The following DCBLD2 variants were observed in gnomAD, a reference collection of about 807,000 sequenced individuals.
DCBLD2 encodes discoidin, CUB and LCCL domain containing 2.
Under a neutral mutation model 86.8 loss-of-function variants are expected in DCBLD2, and 54 were observed. That is an observed-to-expected ratio of 0.62 (90% CI 0.50 to 0.78). The LOEUF (loss-of-function observed/expected upper bound fraction) is 0.78, where lower values mean the gene tolerates loss of function less well. DCBLD2 is among the 30% of genes least tolerant of loss of function. DCBLD2 has a pLI of 0.00. For synonymous variants in DCBLD2, 354 were observed against 341.3 expected, an observed-to-expected ratio of 1.04 and a Z score of -0.41; for missense variants, 908 against 954.2, an observed-to-expected ratio of 0.95 and a Z score of 0.64.
intron 2 of DCBLD2, among the ~76,000 whole-genome samples, chr3:98,881,210 C>T (rs1427656643): frequency 1.0e-4 from 15 of 149,994 alleles, no homozygotes; most frequent in Non-Finnish European, 4.4e-5. Flanking sequence ...GCCAAAATTG[C>T]GCCATTGCCC....
chr3:98,858,461 A>C (rs1942978813), intron 2 of DCBLD2, among the ~76,000 whole-genome samples: 7 of 152,260 alleles, frequency 4.6e-5, no homozygotes, highest in Admixed American at 4.6e-4. Context: ...GAGGCCTGCG[A>C]GGGCTGCCAG....
intron 2 of DCBLD2, among the ~76,000 whole-genome samples, chr3:98,879,627 T>G (rs1943427606): frequency 6.6e-6 from 1 of 152,162 alleles, no homozygotes; most frequent in African/African-American, 2.4e-5. Context: ...GACCTCGTGA[T>G]CCGCCCACCT....
chr3:98,857,829 C>T (rs1301616627), intron 2 of DCBLD2, among the ~76,000 whole-genome samples: 5 of 152,248 alleles, frequency 3.3e-5, no homozygotes, highest in South Asian at 2.1e-4. Context: ...TACAGAGTGC[C>T]GACTGGTGTA....
At chr3:98,804,891 G>T (rs1372473051) in intron 13 of DCBLD2, 1 of 152,278 alleles carries the variant, frequency 6.6e-6, no homozygotes, top group Non-Finnish European at 1.5e-5. Flanking sequence ...TTGTTTGATT[G>T]AACTGTGGTC....
chr3:98,828,608 T>C (rs75292660), intron 3 of DCBLD2, among the ~76,000 whole-genome samples: 2,578 of 152,208 alleles, frequency 0.017, 59 homozygotes, highest in African/African-American at 0.058. Context: ...ACTAGTAAAA[T>C]TGTAAAATGG....
chr3:98,891,981 T>C (rs1306236291), intron 1 of DCBLD2, among the ~76,000 whole-genome samples: 2 of 152,170 alleles, frequency 1.3e-5, no homozygotes, highest in Non-Finnish European at 2.9e-5. Flanking sequence ...AGGCAATGCA[T>C]TCTACTCACC....
At position 98,901,439 on chromosome 3, in the gene DCBLD2, C is replaced by CCCTCGCCTCACCCCGCGCCGGGACCCTT. The variant is rs1943850573; in HGVS notation, c.-141_-114dup. On this transcript the variant is annotated 5_prime_UTR_variant, in exon 1 of 16. Transcript: ENST00000326840. The stretch of plus-strand genomic sequence containing the variant: ...GCAGCGGCGGGAGAACAAGAGGCAG[C>CCCTCGCCTCACCCCGCGCCGGGACCCTT]CCTCGCCTCACCCCGCGCCGGGACC... The CCCTCGCCTCACCCCGCGCCGGGACCCTT allele has an allele frequency of 2.7e-6, 3 of 1,098,022 alleles. No individual in the cohort carries two copies. Among genetic ancestry groups the CCCTCGCCTCACCCCGCGCCGGGACCCTT allele is most frequent in the Non-Finnish European group, 3.5e-6 (3 of 865,314 alleles). 68.0% of individuals were successfully genotyped at this position (1,098,022 alleles called of 1,614,324 possible).
At chr3:98,863,122 C>T (rs9850182) in intron 2 of DCBLD2, among the ~76,000 whole-genome samples, 147,753 of 152,264 alleles carry the variant, frequency 0.97, 71,844 homozygotes, top group Non-Finnish European at 1. Flanking sequence ...CCATTCACAA[C>T]TGCTTCAAAG....
At chr3:98,866,933 A>G (rs1254292926) in intron 2 of DCBLD2, among the ~76,000 whole-genome samples, 1 of 152,234 alleles carries the variant, frequency 6.6e-6, no homozygotes, top group Admixed American at 6.5e-5. Flanking sequence ...ATGGCTAGCC[A>G]GTTTTCCCAG....
At position 98,798,791 on chromosome 3, in the gene DCBLD2, C is replaced by A. The variant is rs1006938256; in HGVS notation, c.*581G>T. On this transcript the variant is annotated 3_prime_UTR_variant, in exon 16 of 16. Coordinates refer to ENST00000326840, the MANE Select transcript of DCBLD2 (RefSeq NM_080927.4). ...GAGTGTCACAAAGTGAAAAAGCAAT[C>A]CCCCTGCTCATTACAAGTCAGAAAA... is the stretch of plus-strand genomic sequence containing the variant. 1 of 152,396 alleles carries A rather than the reference C, an allele frequency of 6.6e-6. No individual in the cohort carries two copies. Among genetic ancestry groups the A allele is most frequent in the South Asian group, 2.1e-4 (1 of 4,834 alleles). 9.4% of individuals were successfully genotyped at this position (152,396 alleles called of 1,614,324 possible). A position where few individuals can be genotyped will look rare whatever the true frequency, so the allele number is the denominator to read the frequency against.
At chr3:98,874,998 G>GGGTTC (rs1236843674) in intron 2 of DCBLD2, among the ~76,000 whole-genome samples, 1 of 152,100 alleles carries the variant, frequency 6.6e-6, no homozygotes, top group African/African-American at 2.4e-5. Flanking sequence ...ACTAAGATAA[G>GGGTTC]GAACCCGGAA....
At chr3:98,825,643 T>TTATATATATATA (rs56736194) in intron 3 of DCBLD2, among the ~76,000 whole-genome samples, 3,598 of 114,172 alleles carry the variant, frequency 0.032, 131 homozygotes, top group East Asian at 0.052. Context: ...ATATGTGTAT[T>TTATATATATATA]TATATATATA....
intron 3 of DCBLD2, among the ~76,000 whole-genome samples, chr3:98,827,966 T>A (rs1942251503): frequency 6.6e-6 from 1 of 152,126 alleles, no homozygotes; most frequent in Admixed American, 6.6e-5. Flanking sequence ...GCCTAGACAA[T>A]TCAATGGGGG....
rs1042502960 is a variant in DCBLD2, at chr3:98,881,641, ACT to A, written c.330_331del (p.Arg110SerfsTer7). 1.9e-6 allele frequency: 3 copies of A among 1,613,276 alleles called. No individual in the cohort carries two copies. The highest frequency in any genetic ancestry group is 2.5e-6 in the Non-Finnish European group (3 of 1,179,784). Reference sequence around the variant, plus strand: ...GTCAAAGTCACCAAATTTGATGCGAACTCTCTCTCCCATCTTTACACGGATCT... The same window carrying A: ...GTCAAAGTCACCAAATTTGATGCGAACTCTCTCCCATCTTTACACGGATCT... On this transcript the variant is annotated frameshift_variant, in exon 2 of 16. Transcript: ENST00000326840. LOFTEE classifies it high-confidence loss of function.
At chr3:98,895,365 C>G (rs1943733628) in intron 1 of DCBLD2, 1 of 152,130 alleles carries the variant, frequency 6.6e-6, no homozygotes, top group African/African-American at 2.4e-5. Flanking sequence ...CAGTAACCAA[C>G]CAACGTTTTT....
chr3:98,823,137 T>C (rs562425384), intron 4 of DCBLD2, among the ~76,000 whole-genome samples: 146 of 152,296 alleles, frequency 9.6e-4, no homozygotes, highest in Middle Eastern at 3.4e-3. Context: ...CCTCCCAAAC[T>C]GCTGGGATTT....
chr3:98,859,031 C>T (rs1942990697), intron 2 of DCBLD2, among the ~76,000 whole-genome samples: 1 of 152,164 alleles, frequency 6.6e-6, no homozygotes, highest in African/African-American at 2.4e-5. Context: ...TGCCCTAATA[C>T]CGCACTTTTC....
chr3:98,871,277 T>C (rs1576195278), intron 2 of DCBLD2, among the ~76,000 whole-genome samples: 1 of 152,278 alleles, frequency 6.6e-6, no homozygotes, highest in East Asian at 1.9e-4. Flanking sequence ...GCCCTTTATT[T>C]CTTCTCTTGC....
At chr3:98,851,494 G>C (rs1374036356) in intron 2 of DCBLD2, among the ~76,000 whole-genome samples, 2 of 152,124 alleles carry the variant, frequency 1.3e-5, no homozygotes, top group Non-Finnish European at 2.9e-5. Flanking sequence ...ATCAATATCA[G>C]GAAAATGGCC....
Sources: gnomAD v4.1 joint callset for allele counts (sites outside exome capture counted in the v4.1 genomes callset) on GRCh38, gnomAD v4.1.1 for gene constraint, MANE v1.5 for transcripts, NCBI Gene and HGNC (gene_info 2026-07-23, HGNC 2026-07-21) for gene names.